TBCB: variants seen among roughly 807,000 people sequenced by gnomAD.
TBCB encodes tubulin-folding cofactor B.
Under a neutral mutation model 29.2 loss-of-function variants are expected in TBCB, and 18 were observed. That is an observed-to-expected ratio of 0.62 (90% CI 0.43 to 0.91). The LOEUF (loss-of-function observed/expected upper bound fraction) is 0.91. Ranked by LOEUF, TBCB falls within the 40% of genes least tolerant of loss-of-function variation. TBCB has a pLI of 0.00. For missense variants in TBCB, 336 were observed against 337.6 expected, an observed-to-expected ratio of 1.00 and a Z score of 0.04; for synonymous variants, 172 against 137.8, an observed-to-expected ratio of 1.25 and a Z score of -1.74.
In TBCB at chr19:36,115,584, A is replaced by G. The variant is rs1973934317; in HGVS notation, c.24A>G (p.Ala8=). The G allele has an allele frequency of 1.2e-6, 2 of 1,609,440 alleles. No homozygotes were observed. Among genetic ancestry groups the G allele is most frequent in the South Asian group, 2.2e-5 (2 of 90,214 alleles). Residue 8 remains alanine, a synonymous_variant, in exon 1 of 6, where the codon GCA becomes GCG. Transcript: ENST00000221855. ...AGATGGAGGTGACGGGGGTGTCGGC[A>G]CCCACGGTGACCGTTTTCATCAGCA... MEVTGVS[A]PTVTVFISSS...
At chr19:36,115,725 G>C in intron 1 of TBCB, 51 bp downstream of exon 1, 1 of 1,335,110 alleles carries the variant, frequency 7.5e-7, no homozygotes, top group Non-Finnish European at 1.0e-6. Context: ...AAATTGGGGG[G>C]TTCCCGGAAG....
upstream of TBCB, chr19:36,115,228 C>T: frequency 1.9e-6 from 1 of 536,046 alleles, no homozygotes; most frequent in Non-Finnish European, 3.3e-6. Context: ...GTTTACCCTT[C>T]GCGGACTGGG....
intron 4 of TBCB, among the ~76,000 whole-genome samples, chr19:36,123,978 A>G (rs1974098386): frequency 6.6e-6 from 1 of 152,184 alleles, no homozygotes; most frequent in Non-Finnish European, 1.5e-5. Flanking sequence ...GACTTTTTTG[A>G]GGACCTGCCA....
At chr19:36,115,244 T>C (rs1239025066), upstream of TBCB, 5 of 533,704 alleles carry the variant, frequency 9.4e-6, no homozygotes, top group Non-Finnish European at 1.6e-5. Context: ...CTGGGCGAGC[T>C]CTTGCCACTC....
intron 4 of TBCB, among the ~76,000 whole-genome samples, chr19:36,123,228 T>C (rs1350670098): frequency 6.6e-6 from 1 of 151,688 alleles, no homozygotes; most frequent in Non-Finnish European, 1.5e-5. Context: ...TTGGCTATTA[T>C]GAATAATGCT....
At chr19:36,120,861 G>A (rs1000881102) in intron 3 of TBCB, 55 bp downstream of exon 3, 25 of 1,568,484 alleles carry the variant, frequency 1.6e-5, no homozygotes, top group Non-Finnish European at 2.1e-5. Flanking sequence ...GTATGTGCAG[G>A]TATGAGGGCG....
chr19:36,123,798 C>T (rs1292249153), intron 4 of TBCB, among the ~76,000 whole-genome samples: 1 of 152,158 alleles, frequency 6.6e-6, no homozygotes, highest in East Asian at 1.9e-4. Context: ...TCGCTTGAGC[C>T]TGGGAGGCGG....
chr19:36,115,842 A>C (rs1165447458), intron 1 of TBCB, 168 bp downstream of exon 1: 2 of 1,044,690 alleles, frequency 1.9e-6, no homozygotes, highest in East Asian at 5.2e-5. Context: ...AGAGAACTCG[A>C]GAGTGCAGAG....
At chr19:36,120,291 A>G (rs889410710) in intron 2 of TBCB, among the ~76,000 whole-genome samples, 1 of 152,080 alleles carries the variant, frequency 6.6e-6, no homozygotes, top group Non-Finnish European at 1.5e-5. Context: ...CAATGAATGA[A>G]TGAATAGTGG....
rs745609799 is a variant in TBCB, at chr19:36,121,704, C to T, written c.533C>T (p.Thr178Ile). 18 of 1,551,636 alleles carry T rather than the reference C, an allele frequency of 1.2e-5. No individual in the cohort carries two copies. Among genetic ancestry groups the T allele is most frequent in the Admixed American group, 3.9e-5 (2 of 51,510 alleles). ...GCGGGACAATCCCCTCGCCGGGGCA[C>T]CGTCATGTATGTAGGTGCGTGGCTC... ...RAAGQSPRRG[T>I]VMYVGLTDFK... Residue 178 changes from threonine (T) to isoleucine (I), a missense_variant, in exon 4 of 6, where the codon ACC becomes ATC. Coordinates refer to ENST00000221855, the MANE Select transcript of TBCB (RefSeq NM_001281.3).
chr19:36,120,801 G>C lies in TBCB; in HGVS notation c.350G>C (p.Arg117Thr), dbSNP rs748462445. 1 of 1,613,994 alleles carries C rather than the reference G, an allele frequency of 6.2e-7. No homozygotes were observed. The highest frequency in any genetic ancestry group is 8.5e-7 in the Non-Finnish European group (1 of 1,179,982). Residue 117 changes from arginine (R) to threonine (T), a missense_variant, in exon 3 of 6, where the codon AGG becomes ACG. Arg to Thr is a moderately conservative substitution (Grantham distance 71, BLOSUM62 -1). Transcript: ENST00000221855. ...ATCTCACAAGAAGCCTACGACCAGA[G>C]GCAAGGTACGGGCAGGTGGGCGTCG... ...YTISQEAYDQ[R>T]QDTVRSFLKR...
At chr19:36,122,040 C>G in intron 4 of TBCB, 1 of 445,446 alleles carries the variant, frequency 2.2e-6, no homozygotes, top group South Asian at 2.2e-5. Flanking sequence ...GTGACCAAGG[C>G]AGGAGTGAGG....
chr19:36,115,963 G>A (rs1973944628), intron 1 of TBCB, 78 bp from the exon 2 acceptor site: 3 of 1,560,702 alleles, frequency 1.9e-6, no homozygotes, highest in Non-Finnish European at 8.7e-7. Flanking sequence ...TGGAGGAAAA[G>A]GGACGTGGCG....
At chr19:36,123,055 G>A (rs1235830909) in intron 4 of TBCB, among the ~76,000 whole-genome samples, 2 of 152,066 alleles carry the variant, frequency 1.3e-5, no homozygotes, top group East Asian at 1.9e-4. Context: ...TGCAGTCTGT[G>A]GCCTTTTGTA....
chr19:36,123,119 G>A (rs1377023073), intron 4 of TBCB, among the ~76,000 whole-genome samples: 5 of 152,298 alleles, frequency 3.3e-5, no homozygotes, highest in East Asian at 1.9e-4. Flanking sequence ...TGGCATGCCT[G>A]TGTCAGTGCC....
At chr19:36,116,454 G>A (rs190610117) in intron 2 of TBCB, 258 of 397,022 alleles carry the variant, frequency 6.5e-4, no homozygotes, top group African/African-American at 5.0e-3. Context: ...CCTGGAGGAA[G>A]GGATGTCTGA....
upstream of TBCB, chr19:36,115,384 T>C (rs992228300): frequency 8.3e-6 from 5 of 598,818 alleles, no homozygotes; most frequent in East Asian, 2.9e-5. Context: ...GCCCTCTTCC[T>C]GGCGGTGGGG....
chr19:36,120,936 G>T (rs1466711111), intron 3 of TBCB, 130 bp downstream of exon 3: 2 of 821,292 alleles, frequency 2.4e-6, no homozygotes, highest in African/African-American at 1.7e-5. Context: ...GAGCTTGGGA[G>T]GATATAGGGG....
chr19:36,124,110 G>A (rs933773377), intron 4 of TBCB, among the ~76,000 whole-genome samples: 7 of 152,200 alleles, frequency 4.6e-5, no homozygotes, highest in Non-Finnish European at 1.0e-4. Flanking sequence ...TCCACTGGGT[G>A]TGAAGTGGAA....
Sources: allele counts gnomAD v4.1 joint callset (sites outside exome capture counted in the v4.1 genomes callset), GRCh38; gene constraint gnomAD v4.1.1; transcripts MANE v1.5; gene names NCBI Gene and HGNC (gene_info 2026-07-23, HGNC 2026-07-21).